The following DDX3X variants were observed in gnomAD, a reference collection of about 807,000 sequenced individuals.
DDX3X encodes DEAD-box helicase 3 X-linked.
In DDX3X, 4 loss-of-function variants were observed where a neutral mutation model predicts 52.7. That is an observed-to-expected ratio of 0.08 (90% confidence interval 0.04 to 0.17). The LOEUF (loss-of-function observed/expected upper bound fraction) is 0.17. Ranked by LOEUF, DDX3X falls within the 10% of genes least tolerant of loss-of-function variation. DDX3X has a pLI of 1.00. For missense variants in DDX3X, 222 were observed against 548.6 expected, an observed-to-expected ratio of 0.40 and a Z score of 5.95; for synonymous variants, 192 against 178.1, an observed-to-expected ratio of 1.08 and a Z score of -0.62.
chrX:41,352,186 C>A (rs1193212537), downstream of DDX3X, among the ~76,000 whole-genome samples: 1 of 111,418 alleles, frequency 9.0e-6, no homozygotes, highest in Non-Finnish European at 1.9e-5. Context: ...TTTCCTCCCC[C>A]CTCTTCAAAG....
chrX:41,361,237 G>C (rs545434873), intron 5 of DDX3X, among the ~76,000 whole-genome samples: 6 of 109,977 alleles, frequency 5.5e-5, no homozygotes, highest in African/African-American at 2.0e-4. Flanking sequence ...AGTCGGCCGG[G>C]CATGGTGGCT....
At chrX:41,337,061 C>T (rs1449060676) in intron 1 of DDX3X, among the ~76,000 whole-genome samples, 2 of 112,239 alleles carry the variant, frequency 1.8e-5, no homozygotes, top group African/African-American at 6.5e-5. Context: ...TTTTGAGATT[C>T]AGTGTAAGCT....
Position 41,347,425 on chromosome X carries a change from A to G in DDX3X, c.1883A>G (p.His628Arg). The change falls in exon 16 of 17, where the codon CAC becomes CGC. Residue 628 changes from histidine (H) to arginine (R), a missense_variant. His to Arg is a conservative substitution (Grantham distance 29). Transcript: ENST00000644876. ...ASSSRSGGGG[H>R]GSSRGFGGGG... ...AGCAGCCGCAGTGGCGGAGGTGGCC[A>G]CGGTAGCAGCAGAGGATTTGGTGGA... is the stretch of plus-strand genomic sequence containing the variant. The G allele has an allele frequency of 8.3e-7, 1 of 1,211,483 alleles. No homozygotes were observed. Among genetic ancestry groups the G allele is most frequent in the Non-Finnish European group, 1.1e-6 (1 of 895,218 alleles).
At chrX:41,334,783 C>T in intron 1 of DDX3X, 1 of 939,024 alleles carries the variant, frequency 1.1e-6, no homozygotes, top group Non-Finnish European at 1.4e-6. Context: ...GAACGCGGCC[C>T]AGGAATGTGG....
In DDX3X at chrX:41,343,354, A is replaced by G; in HGVS notation, c.679+3A>G. ...CTTGATGGCTTGTGCCCAAACAGGT[A>G]AGCTCAACTCATAAGAGTAAAACAT... is the stretch of plus-strand genomic sequence containing the variant. On this transcript the variant is annotated splice_donor_region_variant and intron_variant, in intron 7 of 16. Transcript: ENST00000644876. 8.4e-7 allele frequency: 1 copy of G among 1,192,879 alleles called. No homozygotes were observed. Among genetic ancestry groups the G allele is most frequent in the East Asian group, 3.0e-5 (1 of 33,638 alleles).
chrX:41,334,726 G>A (rs1242183791), intron 1 of DDX3X: 4 of 986,438 alleles, frequency 4.1e-6, no homozygotes, highest in Non-Finnish European at 5.2e-6. Flanking sequence ...TTCCCGTCCG[G>A]AGGACCTGGC....
At chrX:41,334,160 C>G, upstream of DDX3X, 9 of 975,159 alleles carry the variant, frequency 9.2e-6, no homozygotes, top group Non-Finnish European at 1.3e-5. Flanking sequence ...GCGGTGCGCT[C>G]CAGAGCCGCA....
intron 1 of DDX3X, chrX:41,335,661 A>T (rs2063755983): frequency 8.9e-6 from 1 of 112,259 alleles, no homozygotes; most frequent in African/African-American, 3.2e-5. Flanking sequence ...GTTTAGTGGC[A>T]CAAATTAATT....
intron 2 of DDX3X, 96 bp from the exon 3 acceptor site, chrX:41,338,940 A>AT (rs1231448217): frequency 3.2e-6 from 1 of 312,131 alleles, no homozygotes; most frequent in Non-Finnish European, 5.2e-6. Context: ...AAGGCTGGAG[A>AT]TTTTAATTTC....
At chrX:41,353,145 G>A (rs2063995579), downstream of DDX3X, among the ~76,000 whole-genome samples, 1 of 110,300 alleles carries the variant, frequency 9.1e-6, no homozygotes, top group Admixed American at 9.8e-5. Context: ...ACTAGAATTG[G>A]AGCTAAACTA....
chrX:41,363,778 C>T lies in DDX3X; in HGVS notation c.655-496C>T, dbSNP rs961768679. ...AGCCTGGGCAACAAGAGCGAAACTC[C>T]GTCTCAAAACAAAAGAAACAAACAA... On this transcript the variant is annotated intron_variant, in intron 5 of 5. Coordinates refer to the DDX3X transcript ENST00000616050. Among the ~76,000 whole-genome samples the T allele has an allele frequency of 4.0e-5, 4 of 99,377 alleles. No individual in the cohort carries two copies. In the South Asian group the frequency reaches 2.1e-3, roughly 51 times the overall value. 86.3% of individuals were successfully genotyped at this position (99,377 alleles called of 115,157 possible).
rs1165775141 is a variant in DDX3X, at chrX:41,341,997, C to T, written c.284+381C>T. 6 of 153,746 alleles carry T rather than the reference C, an allele frequency of 3.9e-5. No individual in the cohort carries two copies. In the East Asian group the frequency reaches 1.1e-3, roughly 28 times the overall value. 12.7% of individuals were successfully genotyped at this position (153,746 alleles called of 1,213,427 possible). On this transcript the variant is annotated intron_variant, in intron 4 of 16. Coordinates refer to ENST00000644876, the MANE Select transcript of DDX3X (RefSeq NM_001356.5). ...CTAATAGCTGTGGTTAGTCCTGTGT[C>T]CTGATTTTTCGCAAACAGGCCTAAA...
Position 41,345,090 on chromosome X carries a change from A to G in DDX3X, c.1026-90A>G, listed in dbSNP as rs774426178. On this transcript the variant is annotated intron_variant, in intron 10 of 16. Transcript: ENST00000644876. ...TAATTGTAATAACCTATACAATTGT[A>G]TTTGTAATTATACTAACAGCCATAC... 11 of 889,850 alleles carry G rather than the reference A, an allele frequency of 1.2e-5. No homozygotes were observed. The East Asian group carries it at 2.8e-4, about 23-fold the overall frequency. The allele number at this position is 889,850 out of a possible 1,213,427, so 73.3% of individuals were successfully genotyped here. A position where few individuals can be genotyped will look rare whatever the true frequency, so the allele number is the denominator to read the frequency against.
At position 41,347,021 on chromosome X, in the gene DDX3X, T is replaced by C; in HGVS notation, c.1769+9T>C. 1 of 1,196,898 alleles carries C rather than the reference T, an allele frequency of 8.4e-7. No individual in the cohort carries two copies. The highest frequency in any genetic ancestry group is 1.8e-5 in the South Asian group (1 of 55,189). ...CGTGGACGTTCTAAGAGGTGAGGTA[T>C]AAATAGTATATAATGAGGGGAATGG... On this transcript the variant is annotated intron_variant, in intron 15 of 16. Coordinates refer to ENST00000644876, the MANE Select transcript of DDX3X (RefSeq NM_001356.5).
In DDX3X at chrX:41,345,102, A is replaced by G. The variant is rs1314794859; in HGVS notation, c.1026-78A>G. On this transcript the variant is annotated intron_variant, in intron 10 of 16. Coordinates refer to ENST00000644876, the MANE Select transcript of DDX3X (RefSeq NM_001356.5). ...CCTATACAATTGTATTTGTAATTAT[A>G]CTAACAGCCATACTAAAACCATGTT... 6.2e-6 allele frequency: 6 copies of G among 963,264 alleles called. No individual in the cohort carries two copies. In the African/African-American group the frequency reaches 1.2e-4, roughly 19 times the overall value. The allele number at this position is 963,264 out of a possible 1,213,427, so 79.4% of individuals were successfully genotyped here. A position where few individuals can be genotyped will look rare whatever the true frequency, so the allele number is the denominator to read the frequency against.
At chrX:41,346,797 A>C (rs2063931514) in intron 14 of DDX3X, 62 bp from the exon 15 acceptor site, 1 of 1,062,372 alleles carries the variant, frequency 9.4e-7, no homozygotes, top group African/African-American at 1.9e-5. Flanking sequence ...GGAAAGTAAG[A>C]ATAGTAGCAA....
At chrX:41,346,167 A>G (rs1394206711) in intron 12 of DDX3X, 62 bp from the exon 13 acceptor site, 1 of 1,008,134 alleles carries the variant, frequency 9.9e-7, no homozygotes, top group African/African-American at 1.9e-5. Flanking sequence ...AATTGTGCAT[A>G]CATAAGTGCA....
intron 12 of DDX3X, among the ~76,000 whole-genome samples, 158 bp from the exon 13 acceptor site, chrX:41,346,071 T>C (rs1372124204): frequency 9.0e-6 from 1 of 111,316 alleles, no homozygotes; most frequent in Non-Finnish European, 1.9e-5. Context: ...GGATTACCTT[T>C]ATTACTTTTC....
At chrX:41,340,865 T>G (rs2063839782) in intron 3 of DDX3X, 1 of 294,796 alleles carries the variant, frequency 3.4e-6, no homozygotes, top group Non-Finnish European at 5.9e-6. Context: ...TGAATGGAAA[T>G]TAAATTGTTA....
Sources: allele counts gnomAD v4.1 joint callset (sites outside exome capture counted in the v4.1 genomes callset), GRCh38; gene constraint gnomAD v4.1.1; transcripts MANE v1.5; gene names NCBI Gene and HGNC (gene_info 2026-07-23, HGNC 2026-07-21).